SHC3: variants seen among roughly 807,000 people sequenced by gnomAD.
SHC3 encodes SHC-transforming protein 3.
SHC3 carries 15 observed loss-of-function variants against 60.4 expected under a neutral mutation model. The ratio of observed to expected loss-of-function variants is 0.25; its 90% CI spans 0.17 to 0.38. The LOEUF is 0.38. SHC3 is among the 10% of genes least tolerant of loss of function. The probability of loss-of-function intolerance (pLI) is 1.00; values close to 1 mark genes in which losing one functional copy is unlikely to be tolerated. For missense variants in SHC3, 677 were observed against 786.1 expected, an observed-to-expected ratio of 0.86 and a Z score of 1.66; for synonymous variants, 294 against 325.9, an observed-to-expected ratio of 0.90 and a Z score of 1.05.
intron 5 of SHC3, among the ~76,000 whole-genome samples, chr9:89,069,253 G>A (rs1825232130): frequency 6.6e-6 from 1 of 152,204 alleles, no homozygotes; most frequent in African/African-American, 2.4e-5. Flanking sequence ...AGGCTGCAGT[G>A]AGCTGTGATG....
chr9:89,125,207 C>T (rs1198002455), intron 1 of SHC3, among the ~76,000 whole-genome samples: 1 of 152,174 alleles, frequency 6.6e-6, no homozygotes. Flanking sequence ...AAACCTCCCA[C>T]GAGCTTCCCA....
intron 1 of SHC3, among the ~76,000 whole-genome samples, chr9:89,150,062 T>C (rs1215290089): frequency 6.6e-6 from 1 of 152,220 alleles, no homozygotes; most frequent in Non-Finnish European, 1.5e-5. Context: ...GCAAGAGTAG[T>C]GATGCTGACT....
intron 2 of SHC3, among the ~76,000 whole-genome samples, chr9:89,080,867 C>T (rs768881706): frequency 5.3e-5 from 8 of 150,978 alleles, no homozygotes; most frequent in Non-Finnish European, 1.0e-4. Flanking sequence ...CCCGGGTTCA[C>T]GCCATTCTTC....
At chr9:89,125,220 A>G (rs538751317) in intron 1 of SHC3, among the ~76,000 whole-genome samples, 1 of 152,310 alleles carries the variant, frequency 6.6e-6, no homozygotes, top group South Asian at 2.1e-4. Context: ...GCTTCCCAGG[A>G]AATTCTGATG....
intron 1 of SHC3, among the ~76,000 whole-genome samples, chr9:89,158,842 AT>A (rs1263028158): frequency 1.3e-5 from 2 of 152,206 alleles, no homozygotes; most frequent in African/African-American, 4.8e-5. Context: ...CATAGTGTAA[AT>A]GTACCAGAAT....
intron 9 of SHC3, among the ~76,000 whole-genome samples, chr9:89,044,697 C>A (rs17435349): frequency 0.082 from 12,473 of 152,178 alleles, 689 homozygotes; most frequent in Admixed American, 0.12. Flanking sequence ...ATATAACTGT[C>A]TAGAGAATAA....
intron 11 of SHC3, among the ~76,000 whole-genome samples, chr9:89,018,168 T>G (rs1826128301): frequency 6.6e-6 from 1 of 152,146 alleles, no homozygotes; most frequent in Non-Finnish European, 1.5e-5. Flanking sequence ...TTTAAATCAT[T>G]CTACTAAAAA....
intron 2 of SHC3, among the ~76,000 whole-genome samples, chr9:89,106,395 ACT>A (rs1222875734): frequency 6.6e-6 from 1 of 152,130 alleles, no homozygotes; most frequent in Admixed American, 6.5e-5. Context: ...AGGCCCTGAC[ACT>A]CTGAGCCACA....
Position 89,178,076 on chromosome 9 carries a change from G to T in SHC3, c.385C>A (p.Pro129Thr). Residue 129 changes from proline to threonine, a missense_variant, in exon 1 of 12, where the codon CCC becomes ACC. Transcript: ENST00000375835. The surrounding 1 kb of genome is among the most constrained non-coding windows in gnomAD (Gnocchi z 6.9). ...GGCCTGGGCAGCGGCTCGTCGCCGG[G>T]CCGGCCCTTCCTGGCGGCGCTCATG... ...PAMSAARKGR[P>T]GDEPLPRPPR... is the part of the protein sequence containing the mutation. The T allele has an allele frequency of 8.3e-7, 1 of 1,199,070 alleles. No individual in the cohort carries two copies. Among genetic ancestry groups the T allele is most frequent in the Non-Finnish European group, 1.0e-6 (1 of 967,254 alleles). The allele number at this position is 1,199,070 out of a possible 1,614,324, so 74.3% of individuals were successfully genotyped here. A position where few individuals can be genotyped will look rare whatever the true frequency, so the allele number is the denominator to read the frequency against.
intron 2 of SHC3, among the ~76,000 whole-genome samples, chr9:89,111,023 T>C (rs1825939977): frequency 6.6e-6 from 1 of 152,200 alleles, no homozygotes; most frequent in Admixed American, 6.5e-5. Context: ...GCAGGACTTG[T>C]TCTGTGCCCC....
intron 1 of SHC3, among the ~76,000 whole-genome samples, chr9:89,165,092 T>G (rs1368573425): frequency 1.3e-5 from 2 of 152,220 alleles, no homozygotes; most frequent in Non-Finnish European, 2.9e-5. Flanking sequence ...ATAATTTGAT[T>G]GCCAAGTGAA....
At chr9:89,059,368 T>TG (rs1159100972) in intron 6 of SHC3, among the ~76,000 whole-genome samples, 2 of 112,056 alleles carry the variant, frequency 1.8e-5, no homozygotes, top group Non-Finnish European at 1.8e-5. Flanking sequence ...TAGTGGAGGA[T>TG]GCGGTGGAGG....
intron 7 of SHC3, among the ~76,000 whole-genome samples, chr9:89,049,599 A>G (rs1192072940): frequency 6.6e-6 from 1 of 152,270 alleles, no homozygotes; most frequent in African/African-American, 2.4e-5. Context: ...AGATTAAATA[A>G]GTGTTAACCT....
intron 1 of SHC3, among the ~76,000 whole-genome samples, chr9:89,123,235 A>T (rs1222945806): frequency 6.6e-6 from 1 of 152,256 alleles, no homozygotes; most frequent in East Asian, 1.9e-4. Context: ...GAATGTGTTT[A>T]CTAATTACTT....
chr9:89,064,423 G>A (rs949097027), intron 6 of SHC3, among the ~76,000 whole-genome samples: 1 of 152,198 alleles, frequency 6.6e-6, no homozygotes, highest in Non-Finnish European at 1.5e-5. Context: ...CATGTCGCTG[G>A]ACAGGAACTG....
intron 2 of SHC3, among the ~76,000 whole-genome samples, chr9:89,092,268 C>A (rs1374344332): frequency 6.6e-6 from 1 of 152,034 alleles, no homozygotes; most frequent in Admixed American, 6.6e-5. Flanking sequence ...CAAAAGAAAG[C>A]AAAACCAGGA....
chr9:89,156,733 G>T (rs1208553405), intron 1 of SHC3, among the ~76,000 whole-genome samples: 1 of 152,146 alleles, frequency 6.6e-6, no homozygotes, highest in Non-Finnish European at 1.5e-5. Flanking sequence ...GAGAGGCTGA[G>T]GACTCAACTC....
chr9:89,140,287 T>C (rs1204579640), intron 1 of SHC3, among the ~76,000 whole-genome samples: 1 of 152,134 alleles, frequency 6.6e-6, no homozygotes, highest in Non-Finnish European at 1.5e-5. Flanking sequence ...CAGGAAAGCA[T>C]GCATTTTCTA....
intron 2 of SHC3, chr9:89,109,740 C>T (rs1307870334): frequency 1.0e-6 from 1 of 985,450 alleles, no homozygotes; most frequent in African/African-American, 1.7e-5. Context: ...CATCTCCAGG[C>T]TCCTGCTCCC....
Sources: gnomAD v4.1 joint callset for allele counts (sites outside exome capture counted in the v4.1 genomes callset) on GRCh38, gnomAD v4.1.1 for gene constraint, Gnocchi (gnomAD v3.1) non-coding constraint, MANE v1.5 for transcripts, NCBI Gene and HGNC (gene_info 2026-07-23, HGNC 2026-07-21) for gene names.